MRTO4: variants seen among roughly 807,000 people sequenced by gnomAD.
MRTO4 encodes MRT4 homolog, ribosome maturation factor.
Under a neutral mutation model 28.6 loss-of-function variants are expected in MRTO4, and 7 were observed. The ratio of observed to expected loss-of-function variants is 0.24; its 90% CI spans 0.14 to 0.46. The LOEUF is 0.46. Ranked by LOEUF, MRTO4 falls within the 20% of genes least tolerant of loss-of-function variation. The pLI is 0.99. For missense variants in MRTO4, 302 were observed against 298.3 expected, an observed-to-expected ratio of 1.01 and a Z score of -0.09; for synonymous variants, 113 against 108.2, an observed-to-expected ratio of 1.04 and a Z score of -0.27.
At chr1:19,253,054 G>T (rs1224353358) in intron 1 of MRTO4, among the ~76,000 whole-genome samples, 2 of 152,204 alleles carry the variant, frequency 1.3e-5, no homozygotes, top group African/African-American at 4.8e-5. Context: ...CTAGGCGTTA[G>T]AGGATACAGC....
In MRTO4 at chr1:19,258,553, G is replaced by A. The variant is rs757726766; in HGVS notation, c.570G>A (p.Leu190=). 6.2e-7 allele frequency: 1 copy of A among 1,614,066 alleles called. No homozygotes were observed. Among genetic ancestry groups the A allele is most frequent in the Non-Finnish European group, 8.5e-7 (1 of 1,180,040 alleles). The change falls in exon 7 of 8, where the codon CTG becomes CTA. Residue 190 remains leucine (L), a splice_region_variant and synonymous_variant. Transcript: ENST00000330263. ...DVLTPEQARV[L]KLFGYEMAEF... ...TGACCCCAGAGCAGGCTCGCGTCCT[G>A]GTGAGTCTGGCGCCTTGCGGGCTGT...
rs1232754312 is a variant in MRTO4, at chr1:19,251,832, C to T, written c.-4C>T. On this transcript the variant is annotated 5_prime_UTR_variant, in exon 1 of 8. Coordinates refer to ENST00000330263, the MANE Select transcript of MRTO4 (RefSeq NM_016183.4). ...CGTCTTCCGCCGCACGTGGATTCAG[C>T]GCGATGCCCAAATCCAAGCGCGACA... 7 of 1,580,956 alleles carry T rather than the reference C, an allele frequency of 4.4e-6. No individual in the cohort carries two copies. The highest frequency in any genetic ancestry group is 4.0e-5 in the African/African-American group (3 of 74,132).
intron 1 of MRTO4, 74 bp downstream of exon 1, chr1:19,251,937 G>A: frequency 6.5e-7 from 1 of 1,530,104 alleles, no homozygotes; most frequent in Non-Finnish European, 8.8e-7. Flanking sequence ...GAGGGCTTCG[G>A]GGCGGCGGGG....
intron 3 of MRTO4, among the ~76,000 whole-genome samples, chr1:19,256,765 C>T (rs1441759294): frequency 6.6e-6 from 1 of 152,180 alleles, no homozygotes; most frequent in Non-Finnish European, 1.5e-5. Context: ...TCTCTTGCCG[C>T]ACCAGCTCTG....
chr1:19,253,201 T>G (rs1327358057), intron 1 of MRTO4, among the ~76,000 whole-genome samples: 2 of 152,164 alleles, frequency 1.3e-5, no homozygotes, highest in Admixed American at 6.5e-5. Flanking sequence ...AAGGTCTCAC[T>G]GATGAAGTGA....
chr1:19,257,848 C>T lies in MRTO4; in HGVS notation c.357C>T (p.Tyr119=). Residue 119 remains tyrosine (Y), a synonymous_variant, in exon 6 of 8, where the codon TAC becomes TAT. Coordinates refer to ENST00000330263, the MANE Select transcript of MRTO4 (RefSeq NM_016183.4). The stretch of plus-strand genomic sequence containing the variant: ...TTTCCCTTAGGTGGTTCACGAAATA[C>T]ACAGAAATGGACTACGCCCGAGCTG... ...KEEVNEWFTK[Y]TEMDYARAGN... The T allele has an allele frequency of 1.9e-6, 3 of 1,613,266 alleles. No individual in the cohort carries two copies. Among genetic ancestry groups the T allele is most frequent in the Non-Finnish European group, 2.5e-6 (3 of 1,179,994 alleles).
chr1:19,257,668 C>A, intron 5 of MRTO4, 147 bp downstream of exon 5: 1 of 1,332,528 alleles, frequency 7.5e-7, no homozygotes, highest in Non-Finnish European at 1.1e-6. Flanking sequence ...GGGACCACAG[C>A]CCTCTCTGTC....
rs201687442 is a variant in MRTO4, at chr1:19,255,978, C to A, written c.118C>A (p.Leu40Ile). The A allele has an allele frequency of 6.2e-6, 10 of 1,613,902 alleles. No individual in the cohort carries two copies. The highest frequency in any genetic ancestry group is 8.5e-6 in the Non-Finnish European group (10 of 1,180,022). ...LRKCVDTYKY[L>I]FIFSVANMRN... The stretch of plus-strand genomic sequence containing the variant: ...GAAATGTGTGGACACCTACAAGTAC[C>A]TTTTCATCTTCTCTGTGGCCAACAT... The change falls in exon 3 of 8, where the codon CTT becomes ATT. Residue 40 changes from leucine (L) to isoleucine (I), a missense_variant. By Grantham distance (5) the Leu-to-Ile change is conservative. Coordinates refer to ENST00000330263, the MANE Select transcript of MRTO4 (RefSeq NM_016183.4).
Position 19,258,696 on chromosome 1 carries a change from G to C in MRTO4, c.586G>C (p.Glu196Gln), listed in dbSNP as rs200351822. Residue 196 changes from glutamate (E) to glutamine (Q), a missense_variant, in exon 8 of 8, where the codon GAG (glutamate) becomes CAG (glutamine). Coordinates refer to ENST00000330263, the MANE Select transcript of MRTO4 (RefSeq NM_016183.4). ...TCTCTTGCAGAAGCTTTTTGGGTAT[G>C]AGATGGCTGAATTCAAGGTGACCAT... ...QARVLKLFGY[E>Q]MAEFKVTIKY... The C allele has an allele frequency of 1.4e-4, 221 of 1,614,116 alleles. No individual in the cohort carries two copies. Among genetic ancestry groups the C allele is most frequent in the Non-Finnish European group, 1.6e-4 (189 of 1,180,044 alleles).
chr1:19,254,599 AGGCATTCCATGGGCCCTGGGAAT>A (rs979840550), intron 1 of MRTO4, among the ~76,000 whole-genome samples, 160 bp from the exon 2 acceptor site: 14 of 152,322 alleles, frequency 9.2e-5, no homozygotes, highest in African/African-American at 3.4e-4. Flanking sequence ...GCTAATGAGT[AGGCATTCCATGGGCCCTGGGAAT>A]GGCTTTGTGT....
At position 19,257,849 on chromosome 1, in the gene MRTO4, A is replaced by G; in HGVS notation, c.358A>G (p.Thr120Ala). Residue 120 changes from threonine (T) to alanine (A), a missense_variant, in exon 6 of 8, where the codon ACA becomes GCA. Physicochemically the swap from Thr to Ala is moderately conservative, Grantham distance 58. Transcript: ENST00000330263. ...TTCCCTTAGGTGGTTCACGAAATAC[A>G]CAGAAATGGACTACGCCCGAGCTGG... ...EEVNEWFTKY[T>A]EMDYARAGNK... 2.5e-6 allele frequency: 4 copies of G among 1,613,268 alleles called. No homozygotes were observed. Among genetic ancestry groups the G allele is most frequent in the Non-Finnish European group, 3.4e-6 (4 of 1,179,978 alleles).
rs1391039766 is a variant in MRTO4 at position 19,251,849 on chromosome 1, A to C, written c.14A>C (p.Lys5Thr). The stretch of plus-strand genomic sequence containing the variant: ...GGATTCAGCGCGATGCCCAAATCCA[A>C]GCGCGACAAGAAAGGTGGGCGAAGG... The part of the protein sequence containing the change: MPKS[K>T]RDKKVSLTKT... Residue 5 changes from lysine to threonine, a missense_variant, in exon 1 of 8, where the codon AAG becomes ACG. Coordinates refer to ENST00000330263, the MANE Select transcript of MRTO4 (RefSeq NM_016183.4). The C allele has an allele frequency of 6.3e-7, 1 of 1,590,744 alleles. No homozygotes were observed. Among genetic ancestry groups the C allele is most frequent in the Non-Finnish European group, 8.6e-7 (1 of 1,169,316 alleles).
In MRTO4 at chr1:19,259,481, G is replaced by C. The variant is rs1226216879; in HGVS notation, c.*651G>C. The C allele has an allele frequency of 6.6e-6, 1 of 152,234 alleles. No homozygotes were observed. Among genetic ancestry groups the C allele is most frequent in the East Asian group, 1.9e-4 (1 of 5,196 alleles). 9.4% of individuals were successfully genotyped at this position (152,234 alleles called of 1,614,324 possible). The stretch of plus-strand genomic sequence containing the variant: ...TGGTCCCCACTGCTTGGGAGGCTGA[G>C]GTGGGAGAATTGCTTAAGCCTGAGA... On this transcript the variant is annotated 3_prime_UTR_variant, in exon 8 of 8. Coordinates refer to ENST00000330263, the MANE Select transcript of MRTO4 (RefSeq NM_016183.4).
At chr1:19,258,109 G>T in intron 6 of MRTO4, 125 bp downstream of exon 6, 1 of 1,271,830 alleles carries the variant, frequency 7.9e-7, no homozygotes, top group South Asian at 1.5e-5. Context: ...AGAAAATGGG[G>T]CTAAGAGTGC....
Position 19,257,529 on chromosome 1 carries a change from C to A in MRTO4, c.341+8C>A, listed in dbSNP as rs772493199. 6.2e-7 allele frequency: 1 copy of A among 1,614,092 alleles called. No individual in the cohort carries two copies. The highest frequency in any genetic ancestry group is 1.1e-5 in the South Asian group (1 of 91,084). ...AAAGGAGGAGGTGAATGAGTAAGTACTGCTGAGGAACGGAGGGAAAGAGGC... is the reference window on the plus strand; with the variant it reads ...AAAGGAGGAGGTGAATGAGTAAGTAATGCTGAGGAACGGAGGGAAAGAGGC... On this transcript the variant is annotated splice_region_variant and intron_variant, in intron 5 of 7. Coordinates refer to ENST00000330263, the MANE Select transcript of MRTO4 (RefSeq NM_016183.4).
chr1:19,254,483 A>G (rs957313196), intron 1 of MRTO4, among the ~76,000 whole-genome samples: 1 of 152,042 alleles, frequency 6.6e-6, no homozygotes, highest in African/African-American at 2.4e-5. Flanking sequence ...AACAGCCTCC[A>G]CCCCCACACT....
At chr1:19,256,202 G>C (rs1171602002) in intron 3 of MRTO4, 151 bp downstream of exon 3, 1 of 677,186 alleles carries the variant, frequency 1.5e-6, no homozygotes, top group Non-Finnish European at 2.6e-6. Context: ...CCACTGAAGA[G>C]CACTTCCTTT....
chr1:19,255,987 T>C lies in MRTO4; in HGVS notation c.127T>C (p.Phe43Leu). The change falls in exon 3 of 8, where the codon TTC (phenylalanine) becomes CTC (leucine). Residue 43 changes from phenylalanine to leucine, a missense_variant. Physicochemically the swap from Phe to Leu is conservative, Grantham distance 22. Coordinates refer to ENST00000330263, the MANE Select transcript of MRTO4 (RefSeq NM_016183.4). ...GGACACCTACAAGTACCTTTTCATC[T>C]TCTCTGTGGCCAACATGAGGAACAG... ...CVDTYKYLFI[F>L]SVANMRNSKL... The C allele has an allele frequency of 6.2e-7, 1 of 1,614,082 alleles. No homozygotes were observed. The highest frequency in any genetic ancestry group is 1.3e-5 in the African/African-American group (1 of 75,006).
Position 19,259,052 on chromosome 1 carries a change from G to T in MRTO4, c.*222G>T. ...CCGAGGTGGGCAGATCATAAGGTCGGGAGATTAAGACCATCCTGGCTAACA... is the reference window on the plus strand; with the variant it reads ...CCGAGGTGGGCAGATCATAAGGTCGTGAGATTAAGACCATCCTGGCTAACA... On this transcript the variant is annotated 3_prime_UTR_variant, in exon 8 of 8. Transcript: ENST00000330263. 1 of 503,000 alleles carries T rather than the reference G, an allele frequency of 2.0e-6. No homozygotes were observed. Among genetic ancestry groups the T allele is most frequent in the East Asian group, 3.4e-5 (1 of 29,554 alleles). The allele number at this position is 503,000 out of a possible 1,614,324, so 31.2% of individuals were successfully genotyped here.
Sources: allele counts gnomAD v4.1 joint callset (sites outside exome capture counted in the v4.1 genomes callset), GRCh38; gene constraint gnomAD v4.1.1; transcripts MANE v1.5; gene names NCBI Gene and HGNC (gene_info 2026-07-23, HGNC 2026-07-21).